The following PIK3R5 variants were observed in gnomAD, a reference collection of about 807,000 sequenced individuals.
PIK3R5 encodes phosphoinositide 3-kinase regulatory subunit 5.
In PIK3R5, 32 loss-of-function variants were observed where a neutral mutation model predicts 94.9. The ratio of observed to expected loss-of-function variants is 0.34; its 90% CI spans 0.25 to 0.45. PIK3R5 has a LOEUF of 0.45. Ranked by LOEUF, PIK3R5 falls within the 20% of genes least tolerant of loss-of-function variation. The pLI is 1.00. For missense variants in PIK3R5, 853 were observed against 1,144.6 expected, an observed-to-expected ratio of 0.75 and a Z score of 3.68; for synonymous variants, 443 against 479.4, an observed-to-expected ratio of 0.92 and a Z score of 0.99.
intron 1 of PIK3R5, among the ~76,000 whole-genome samples, chr17:8,957,709 T>G (rs2091487026): frequency 6.6e-6 from 1 of 152,122 alleles, no homozygotes; most frequent in Non-Finnish European, 1.5e-5. Flanking sequence ...AAGCCAAGAA[T>G]CAAAGATGGC....
rs780653156 is a variant in PIK3R5 at position 8,904,821 on chromosome 17, C to A, written c.368G>T (p.Cys123Phe). 3 of 1,614,128 alleles carry A rather than the reference C, an allele frequency of 1.9e-6. No individual in the cohort carries two copies. The highest frequency in any genetic ancestry group is 3.3e-5 in the Admixed American group (2 of 60,016). ...LTWPVPYCSI[C>F]QELLTFIDAE... ...ATCAATGAAGGTGAGCAGCTCCTGG[C>A]AGATGCTGCAGTAAGGAACAGGCCA... is the stretch of plus-strand genomic sequence containing the variant. The change falls in exon 5 of 19, where the codon TGC becomes TTC. Residue 123 changes from cysteine (C) to phenylalanine (F), a missense_variant. Physicochemically the swap from Cys to Phe is radical, Grantham distance 205. Coordinates refer to ENST00000447110, the MANE Select transcript of PIK3R5 (RefSeq NM_001142633.3). This position sits in a 1 kb window ranked among gnomAD's most constrained non-coding sequence, Gnocchi z 5.1.
At chr17:8,964,220 T>A (rs1054653306) in intron 1 of PIK3R5, among the ~76,000 whole-genome samples, 4 of 152,020 alleles carry the variant, frequency 2.6e-5, no homozygotes, top group African/African-American at 7.2e-5. Flanking sequence ...GGCAAAACCC[T>A]GCCTCTACAA....
At chr17:8,919,891 T>C (rs1402511280) in intron 1 of PIK3R5, among the ~76,000 whole-genome samples, 3 of 129,446 alleles carry the variant, frequency 2.3e-5, no homozygotes, top group Admixed American at 2.2e-4. Flanking sequence ...TTTCCTTCTT[T>C]TTTTTTTTTT....
At position 8,881,486 on chromosome 17, in the gene PIK3R5, C is replaced by A; in HGVS notation, c.2382+144G>T. 1 of 715,094 alleles carries A rather than the reference C, an allele frequency of 1.4e-6. No homozygotes were observed. 44.3% of individuals were successfully genotyped at this position (715,094 alleles called of 1,614,324 possible). On this transcript the variant is annotated intron_variant, in intron 17 of 18. Coordinates refer to ENST00000447110, the MANE Select transcript of PIK3R5 (RefSeq NM_001142633.3). This position sits in a 1 kb window ranked among gnomAD's most constrained non-coding sequence, Gnocchi z 4.8. Reference sequence around the variant, plus strand: ...CCTCCCCCACCTCTCCTCTCTCTCTCACACACACACAAGTATGTACACACG... The same window carrying A: ...CCTCCCCCACCTCTCCTCTCTCTCTAACACACACACAAGTATGTACACACG...
At chr17:8,944,491 C>A (rs2091240757) in intron 1 of PIK3R5, among the ~76,000 whole-genome samples, 1 of 152,208 alleles carries the variant, frequency 6.6e-6, no homozygotes, top group African/African-American at 2.4e-5. Context: ...AGAAGCACAT[C>A]CTCTGTAAAG....
At chr17:8,910,082 A>G (rs576680603) in intron 2 of PIK3R5, among the ~76,000 whole-genome samples, 1 of 152,348 alleles carries the variant, frequency 6.6e-6, no homozygotes, top group East Asian at 1.9e-4. Context: ...CCCTGCAGTC[A>G]GCAAGGGTAA....
chr17:8,908,942 C>T (rs771373815), intron 3 of PIK3R5, 132 bp downstream of exon 3: 1 of 605,430 alleles, frequency 1.7e-6, no homozygotes, highest in Non-Finnish European at 3.0e-6. Flanking sequence ...ACACAAAACT[C>T]ACAGGTTCCC....
In PIK3R5 at chr17:8,893,676, A is replaced by C; in HGVS notation, c.413-21T>G. ...GATCCCTGTGGGTCAAGAAGAAAAG[A>C]GTTCATGGGCTGATCAGTTCCTTCA... is the stretch of plus-strand genomic sequence containing the variant. On this transcript the variant is annotated intron_variant, in intron 5 of 18. Coordinates refer to ENST00000447110, the MANE Select transcript of PIK3R5 (RefSeq NM_001142633.3). The surrounding 1 kb of genome is among the most constrained non-coding windows in gnomAD (Gnocchi z 5.1). 4 of 1,586,410 alleles carry C rather than the reference A, an allele frequency of 2.5e-6. No individual in the cohort carries two copies. The highest frequency in any genetic ancestry group is 3.5e-6 in the Non-Finnish European group (4 of 1,154,810).
At chr17:8,962,589 C>A (rs1307978464) in intron 1 of PIK3R5, among the ~76,000 whole-genome samples, 1 of 152,162 alleles carries the variant, frequency 6.6e-6, no homozygotes, top group Non-Finnish European at 1.5e-5. Flanking sequence ...ATAAAAAGTG[C>A]ACTGTATTTA....
chr17:8,895,744 G>A (rs549413332), intron 5 of PIK3R5, among the ~76,000 whole-genome samples: 1 of 152,276 alleles, frequency 6.6e-6, no homozygotes, highest in African/African-American at 2.4e-5. Context: ...TGGACTCCAC[G>A]CGACTGTTGC....
Position 8,909,225 on chromosome 17 carries a change from A to G in PIK3R5, c.104-51T>C. On this transcript the variant is annotated intron_variant, in intron 2 of 18. Transcript: ENST00000447110. This position sits in a 1 kb window ranked among gnomAD's most constrained non-coding sequence, Gnocchi z 4.3. Reference sequence around the variant, plus strand: ...GTCAGTTCTGGTGTCTTCCAGTCACACTCAGGCAGGGGCTGTAAAGAAGGG... The same window carrying G: ...GTCAGTTCTGGTGTCTTCCAGTCACGCTCAGGCAGGGGCTGTAAAGAAGGG... 2 of 1,134,774 alleles carry G rather than the reference A, an allele frequency of 1.8e-6. No homozygotes were observed. Among genetic ancestry groups the G allele is most frequent in the Non-Finnish European group, 2.6e-6 (2 of 769,204 alleles). The allele number at this position is 1,134,774 out of a possible 1,614,324, so 70.3% of individuals were successfully genotyped here.
At chr17:8,929,981 CAAG>C (rs2151439877) in intron 1 of PIK3R5, among the ~76,000 whole-genome samples, 1 of 152,244 alleles carries the variant, frequency 6.6e-6, no homozygotes, top group South Asian at 2.1e-4. Flanking sequence ...CAGTAAAAAA[CAAG>C]AAATAATCGG....
At chr17:8,920,155 A>C (rs2151427255) in intron 1 of PIK3R5, among the ~76,000 whole-genome samples, 1 of 152,182 alleles carries the variant, frequency 6.6e-6, no homozygotes, top group Non-Finnish European at 1.5e-5. Flanking sequence ...AAGTGCTGGG[A>C]TTACAGGCGT....
chr17:8,963,242 G>A (rs1156818094), intron 1 of PIK3R5, among the ~76,000 whole-genome samples: 1 of 152,228 alleles, frequency 6.6e-6, no homozygotes, highest in East Asian at 1.9e-4. Context: ...ACGCAGCTCA[G>A]TCCCTTGGGA....
chr17:8,895,834 G>A lies in PIK3R5; in HGVS notation c.413-2179C>T, dbSNP rs571946712. Among the ~76,000 whole-genome samples the A allele has an allele frequency of 9.2e-5, 14 of 152,288 alleles. No individual in the cohort carries two copies. The South Asian group carries it at 2.7e-3, about 29-fold the overall frequency. ...TGGCACACTCTGACCCAGAGAGAGT[G>A]ATTTTCAGAGTTGTTTGGCTGGTGC... is the stretch of plus-strand genomic sequence containing the variant. On this transcript the variant is annotated intron_variant, in intron 5 of 18. Transcript: ENST00000447110.
chr17:8,917,601 C>T lies in PIK3R5; in HGVS notation c.-13-6094G>A, dbSNP rs757261012. ...AAGTTCGGGGCCGGGCATGGTGACT[C>T]ATGCCTGTAATCCCAGCACTTTGGG... On this transcript the variant is annotated intron_variant, in intron 1 of 18. Coordinates refer to ENST00000447110, the MANE Select transcript of PIK3R5 (RefSeq NM_001142633.3). Among the ~76,000 whole-genome samples the T allele has an allele frequency of 3.0e-4, 45 of 152,212 alleles. 1 individual carries two copies. The highest frequency in any genetic ancestry group is 2.4e-4 in the African/African-American group (10 of 41,468).
rs930113416 is a variant in PIK3R5, at chr17:8,881,371, G to A, written c.2382+259C>T. 2.6e-5 allele frequency among the ~76,000 whole-genome samples: 4 copies of A among 151,720 alleles called. No homozygotes were observed. Among genetic ancestry groups the A allele is most frequent in the Admixed American group, 6.6e-5 (1 of 15,238 alleles). ...CCCCACAACTTTTCCACATACACGC[G>A]TCCTCTCACAGGGCACCCCTACCTC... On this transcript the variant is annotated intron_variant, in intron 17 of 18. Coordinates refer to ENST00000447110, the MANE Select transcript of PIK3R5 (RefSeq NM_001142633.3). This position sits in a 1 kb window ranked among gnomAD's most constrained non-coding sequence, Gnocchi z 4.8.
intron 5 of PIK3R5, among the ~76,000 whole-genome samples, chr17:8,900,732 G>T (rs1269135247): frequency 6.6e-6 from 1 of 152,130 alleles, no homozygotes; most frequent in Non-Finnish European, 1.5e-5. Flanking sequence ...TATCATTCCA[G>T]GGCCAGGGCC....
chr17:8,960,817 A>C (rs1197735602), intron 1 of PIK3R5, among the ~76,000 whole-genome samples: 1 of 152,186 alleles, frequency 6.6e-6, no homozygotes, highest in African/African-American at 2.4e-5. Flanking sequence ...CATGAAAATG[A>C]AAAGCACACC....
Sources: gnomAD v4.1 joint callset for allele counts (sites outside exome capture counted in the v4.1 genomes callset) on GRCh38, gnomAD v4.1.1 for gene constraint, Gnocchi (gnomAD v3.1) non-coding constraint, MANE v1.5 for transcripts, NCBI Gene and HGNC (gene_info 2026-07-23, HGNC 2026-07-21) for gene names.